The following DPF3 variants were observed in gnomAD, a reference collection of about 807,000 sequenced individuals.
DPF3 encodes double PHD fingers 3, also known as zinc finger protein DPF3.
Under a neutral mutation model 56.8 loss-of-function variants are expected in DPF3, and 18 were observed. The observed-to-expected ratio is 0.32, with a 90% confidence interval of 0.22 to 0.47. The LOEUF (loss-of-function observed/expected upper bound fraction) is 0.47, where lower values mean the gene tolerates loss of function less well. Ranked by LOEUF, DPF3 falls within the 20% of genes least tolerant of loss-of-function variation. The pLI is 1.00. For synonymous variants in DPF3, 188 were observed against 180.2 expected (o/e 1.04, Z -0.35); for missense variants, 403 against 488.8 (o/e 0.82, Z 1.65).
At chr14:72,680,347 A>G (rs1251197162) in intron 7 of DPF3, among the ~76,000 whole-genome samples, 5 of 152,244 alleles carry the variant, frequency 3.3e-5, no homozygotes, top group Admixed American at 3.3e-4. Flanking sequence ...CTCCTTGGCC[A>G]CTAATAGCAA....
chr14:72,795,295 AATAT>A (rs71109748), intron 1 of DPF3, among the ~76,000 whole-genome samples: 231 of 102,896 alleles, frequency 2.2e-3, no homozygotes, highest in African/African-American at 8.0e-3. Context: ...AAAAAAAAAA[AATAT>A]ATATATATAT....
chr14:72,730,665 T>C (rs1889603809), intron 4 of DPF3, among the ~76,000 whole-genome samples: 1 of 151,554 alleles, frequency 6.6e-6, no homozygotes, highest in Non-Finnish European at 1.5e-5. Context: ...TTAATAAATT[T>C]ATTGAATATT....
At chr14:72,749,203 A>G (rs1317475092) in intron 3 of DPF3, among the ~76,000 whole-genome samples, 2 of 152,252 alleles carry the variant, frequency 1.3e-5, no homozygotes, top group Admixed American at 6.5e-5. Flanking sequence ...CACCTCTTGC[A>G]TCAGCATGAC....
intron 1 of DPF3, among the ~76,000 whole-genome samples, chr14:72,835,217 G>A (rs1884241577): frequency 6.6e-6 from 1 of 152,076 alleles, no homozygotes; most frequent in South Asian, 2.1e-4. Flanking sequence ...ACAGGTGCAC[G>A]CCACCATGCC....
intron 1 of DPF3, among the ~76,000 whole-genome samples, chr14:72,775,087 C>A (rs1891695969): frequency 6.6e-6 from 1 of 152,044 alleles, no homozygotes. Context: ...AGAGAACTGA[C>A]AAGAACATTT....
At chr14:72,641,785 T>C (rs1279070061) in intron 8 of DPF3, among the ~76,000 whole-genome samples, 1 of 152,246 alleles carries the variant, frequency 6.6e-6, no homozygotes, top group Non-Finnish European at 1.5e-5. Context: ...TCTTCTTGAA[T>C]GTAGACTGGG....
rs1262879938 is a variant in DPF3, at chr14:72,611,007, C to T, written c.*8290G>A. On this transcript the variant is annotated 3_prime_UTR_variant, in exon 11 of 11. Transcript: ENST00000556509. ...GGCTGTCACGCACTTTAAAACCAGA[C>T]TCACAGCCAAGCCTTGTGTCCCTGA... is the stretch of plus-strand genomic sequence containing the variant. 6.6e-6 allele frequency among the ~76,000 whole-genome samples: 1 copy of T among 152,228 alleles called. No homozygotes were observed. The highest frequency in any genetic ancestry group is 2.4e-5 in the African/African-American group (1 of 41,456).
At chr14:72,666,833 C>A (rs548458833) in intron 8 of DPF3, among the ~76,000 whole-genome samples, 2 of 152,208 alleles carry the variant, frequency 1.3e-5, no homozygotes, top group Non-Finnish European at 2.9e-5. Context: ...CCTCCAAAGG[C>A]TGAGCAAAAT....
At chr14:72,801,560 A>G (rs1028454465) in intron 1 of DPF3, among the ~76,000 whole-genome samples, 1 of 152,174 alleles carries the variant, frequency 6.6e-6, no homozygotes, top group Non-Finnish European at 1.5e-5. Context: ...TCATGCCCCT[A>G]TGAATCACTT....
intron 3 of DPF3, among the ~76,000 whole-genome samples, chr14:72,751,412 C>T (rs115577496): frequency 0.011 from 1,615 of 152,234 alleles, 28 homozygotes; most frequent in African/African-American, 0.037. Flanking sequence ...TCCAGGGGAT[C>T]GTGATAAAAT....
chr14:72,726,036 G>A (rs894485379), intron 4 of DPF3, among the ~76,000 whole-genome samples: 5 of 152,210 alleles, frequency 3.3e-5, no homozygotes, highest in South Asian at 2.1e-4. Context: ...ACTAGGAAAC[G>A]TCAGCCCCCA....
At chr14:72,819,490 T>C (rs958249008) in intron 1 of DPF3, among the ~76,000 whole-genome samples, 22 of 152,058 alleles carry the variant, frequency 1.4e-4, no homozygotes, top group African/African-American at 4.6e-4. Context: ...TTTTGGAAAA[T>C]TCATATGATG....
chr14:72,628,779 T>C (rs79427762), intron 9 of DPF3, among the ~76,000 whole-genome samples: 7,948 of 151,950 alleles, frequency 0.052, 381 homozygotes, highest in African/African-American at 0.12. Context: ...CAGAGGAAAA[T>C]GTCAGACAGC....
intron 6 of DPF3, among the ~76,000 whole-genome samples, chr14:72,699,419 G>C (rs943199542): frequency 4.0e-5 from 6 of 151,632 alleles, no homozygotes; most frequent in Non-Finnish European, 8.8e-5. Context: ...CTACTTAAGA[G>C]GCTGAGGTGG....
At chr14:72,869,997 A>C (rs944511663) in intron 1 of DPF3, among the ~76,000 whole-genome samples, 3 of 152,108 alleles carry the variant, frequency 2.0e-5, no homozygotes, top group African/African-American at 7.2e-5. Context: ...AGGGATGCAA[A>C]ATAGGCTGAA....
At chr14:72,855,294 G>A (rs1314976640) in intron 1 of DPF3, among the ~76,000 whole-genome samples, 1 of 152,218 alleles carries the variant, frequency 6.6e-6, no homozygotes. Flanking sequence ...AAATCAGTAG[G>A]AATGAGGGAA....
At chr14:72,674,069 C>T (rs902778392) in intron 8 of DPF3, 171 bp downstream of exon 8, 7 of 1,097,660 alleles carry the variant, frequency 6.4e-6, no homozygotes, top group Non-Finnish European at 7.4e-6. Context: ...ACTTTTGGTT[C>T]TTGAGACCCA....
At chr14:72,682,750 C>T (rs936068790) in intron 7 of DPF3, among the ~76,000 whole-genome samples, 1 of 152,210 alleles carries the variant, frequency 6.6e-6, no homozygotes, top group African/African-American at 2.4e-5. Context: ...TGGGGCAGCA[C>T]AGCCTGAGGA....
chr14:72,868,016 T>C (rs767631100), intron 1 of DPF3, among the ~76,000 whole-genome samples: 2 of 152,102 alleles, frequency 1.3e-5, no homozygotes, highest in Non-Finnish European at 2.9e-5. Context: ...GCTGGATTAC[T>C]GAGCCACCAC....
Sources: gnomAD v4.1 joint callset for allele counts (sites outside exome capture counted in the v4.1 genomes callset) on GRCh38, gnomAD v4.1.1 for gene constraint, MANE v1.5 for transcripts, NCBI Gene and HGNC (gene_info 2026-07-23, HGNC 2026-07-21) for gene names.